Variants in SPOCK3 observed in about 807,000 individuals in gnomAD.
SPOCK3 encodes testican-3.
Under a neutral mutation model 56.6 loss-of-function variants are expected in SPOCK3, and 30 were observed. The ratio of observed to expected loss-of-function variants is 0.53; its 90% confidence interval spans 0.40 to 0.72. SPOCK3 has a LOEUF of 0.72. Ranked by LOEUF, SPOCK3 falls within the 30% of genes least tolerant of loss-of-function variation. The probability of loss-of-function intolerance (pLI) is 0.00; values close to 1 mark genes in which losing one functional copy is unlikely to be tolerated. For synonymous variants in SPOCK3, 196 were observed against 183.3 expected, an observed-to-expected ratio of 1.07 and a Z score of -0.56; for missense variants, 527 against 530.0, an observed-to-expected ratio of 0.99 and a Z score of 0.06.
intron 5 of SPOCK3, among the ~76,000 whole-genome samples, chr4:166,905,457 T>C: frequency 6.6e-6 from 1 of 152,038 alleles, no homozygotes; most frequent in Non-Finnish European, 1.5e-5. Flanking sequence ...ATATTATATG[T>C]TCTATTCTGT....
intron 2 of SPOCK3, among the ~76,000 whole-genome samples, chr4:167,222,999 A>C (rs1367379657): frequency 1.6e-5 from 2 of 126,122 alleles, no homozygotes; most frequent in Admixed American, 8.6e-5. Context: ...TTTATATATG[A>C]ATATATATTT....
chr4:167,152,545 T>A (rs950274395), intron 2 of SPOCK3, among the ~76,000 whole-genome samples: 1 of 152,314 alleles, frequency 6.6e-6, no homozygotes, highest in East Asian at 1.9e-4. Context: ...ATCTGTGTGA[T>A]AAAAGCAACA....
Position 166,844,691 on chromosome 4 carries a change from TAGATATACATATCTATAC to T in SPOCK3, c.589+44421_589+44438del, listed in dbSNP as rs556865160. 2.7e-3 allele frequency among the ~76,000 whole-genome samples: 410 copies of T among 152,348 alleles called. 3 individuals are homozygous for T. Among genetic ancestry groups the T allele is most frequent in the African/African-American group, 9.1e-3 (379 of 41,580 alleles). ...AGATAAAGATAGATAGATGTAGATA[TAGATATACATATCTATAC>T]AGATATACATCTCTATACATATCTA... On this transcript the variant is annotated intron_variant, in intron 6 of 10. Coordinates refer to ENST00000357545, the MANE Select transcript of SPOCK3 (RefSeq NM_001040159.2).
intron 8 of SPOCK3, among the ~76,000 whole-genome samples, chr4:166,743,863 A>G (rs1380475578): frequency 1.3e-5 from 2 of 152,224 alleles, no homozygotes; most frequent in Non-Finnish European, 2.9e-5. Context: ...CTGCTAGCAC[A>G]GCAGTCGGAG....
At chr4:167,163,011 C>T (rs1335868202) in intron 2 of SPOCK3, among the ~76,000 whole-genome samples, 2 of 151,536 alleles carry the variant, frequency 1.3e-5, no homozygotes, top group Non-Finnish European at 2.9e-5. Flanking sequence ...TATACGTCAT[C>T]CATGTTTTAT....
chr4:167,132,870 A>G (rs1256928348), intron 2 of SPOCK3, among the ~76,000 whole-genome samples: 2 of 152,110 alleles, frequency 1.3e-5, no homozygotes, highest in Non-Finnish European at 1.5e-5. Flanking sequence ...GATTTGGATA[A>G]TCAAGGATGG....
At chr4:166,962,950 T>A (rs1347184270) in intron 4 of SPOCK3, among the ~76,000 whole-genome samples, 1 of 152,058 alleles carries the variant, frequency 6.6e-6, no homozygotes, top group Non-Finnish European at 1.5e-5. Context: ...CAAAATTTGT[T>A]GTATGTTATT....
chr4:166,942,967 A>C (rs1283059232), intron 4 of SPOCK3, among the ~76,000 whole-genome samples: 4 of 152,290 alleles, frequency 2.6e-5, no homozygotes, highest in African/African-American at 9.6e-5. Flanking sequence ...AAATGTGTGC[A>C]TATATTCTGT....
At chr4:167,048,665 A>G (rs1277383732) in intron 3 of SPOCK3, among the ~76,000 whole-genome samples, 1 of 152,156 alleles carries the variant, frequency 6.6e-6, no homozygotes, top group Non-Finnish European at 1.5e-5. Context: ...AGATAATTTT[A>G]TGGTTTTCTA....
At chr4:166,840,835 G>C (rs1206410009) in intron 6 of SPOCK3, among the ~76,000 whole-genome samples, 2 of 137,922 alleles carry the variant, frequency 1.5e-5, no homozygotes, top group African/African-American at 2.7e-5. Flanking sequence ...CTGGAGTGCA[G>C]TGGCGCAATC....
At chr4:167,109,437 T>A (rs1309303750) in intron 2 of SPOCK3, among the ~76,000 whole-genome samples, 2 of 102,034 alleles carry the variant, frequency 2.0e-5, no homozygotes, top group African/African-American at 3.8e-5. Context: ...ATATGATAAA[T>A]ATATATTTAT....
At chr4:167,014,166 T>A (rs532967273) in intron 3 of SPOCK3, among the ~76,000 whole-genome samples, 1 of 152,256 alleles carries the variant, frequency 6.6e-6, no homozygotes, top group Admixed American at 6.5e-5. Context: ...TGAGTAACAA[T>A]CTGCCTTTCT....
intron 3 of SPOCK3, among the ~76,000 whole-genome samples, chr4:167,039,865 A>C (rs1413548319): frequency 1.3e-5 from 2 of 152,230 alleles, no homozygotes; most frequent in African/African-American, 4.8e-5. Flanking sequence ...AGACACCTTG[A>C]GCCTAAATGA....
chr4:167,234,142 C>A lies in SPOCK3; in HGVS notation c.32G>T (p.Cys11Phe). MLKVSAVLCVCAAAWCSQSLA... is the reference protein window; with the variant it reads MLKVSAVLCVFAAAWCSQSLA... ...AGACTGACTGCACCAAGCGGCTGCACACACACACAGTACGGCTGACACCTT... is the reference window on the plus strand; with the variant it reads ...AGACTGACTGCACCAAGCGGCTGCAAACACACACAGTACGGCTGACACCTT... Residue 11 changes from cysteine to phenylalanine, a missense_variant, in exon 2 of 11, where the codon TGT becomes TTT. Cys to Phe is a radical substitution (Grantham distance 205). Transcript: ENST00000357545. The A allele has an allele frequency of 6.2e-7, 1 of 1,613,798 alleles. No homozygotes were observed. Among genetic ancestry groups the A allele is most frequent in the South Asian group, 1.1e-5 (1 of 91,066 alleles).
chr4:166,797,966 A>T (rs1742142279), intron 6 of SPOCK3, among the ~76,000 whole-genome samples: 1 of 152,174 alleles, frequency 6.6e-6, no homozygotes, highest in Admixed American at 6.5e-5. Context: ...AGAACATCAT[A>T]TACAATGTTG....
intron 4 of SPOCK3, among the ~76,000 whole-genome samples, chr4:166,948,324 G>GT (rs1561042631): frequency 6.6e-6 from 1 of 152,218 alleles, no homozygotes; most frequent in African/African-American, 2.4e-5. Context: ...AAACATGGGA[G>GT]TGCAGACATT....
intron 2 of SPOCK3, among the ~76,000 whole-genome samples, chr4:167,117,684 G>A (rs540326536): frequency 6.6e-6 from 1 of 152,262 alleles, no homozygotes; most frequent in East Asian, 1.9e-4. Context: ...CCCAGAAGGT[G>A]AAAATCCAAG....
intron 4 of SPOCK3, among the ~76,000 whole-genome samples, chr4:166,977,260 G>A (rs1455748318): frequency 2.0e-5 from 3 of 151,980 alleles, no homozygotes; most frequent in African/African-American, 4.8e-5. Context: ...ACAAGTTAGA[G>A]ATTGATTAAC....
intron 3 of SPOCK3, among the ~76,000 whole-genome samples, chr4:167,025,775 T>C (rs1283188388): frequency 1.3e-5 from 2 of 152,098 alleles, no homozygotes; most frequent in Non-Finnish European, 2.9e-5. Context: ...AATATAGTCA[T>C]GCCTGGCTTA....
Sources: gnomAD v4.1 joint callset for allele counts (sites outside exome capture counted in the v4.1 genomes callset) on GRCh38, gnomAD v4.1.1 for gene constraint, MANE v1.5 for transcripts, NCBI Gene and HGNC (gene_info 2026-07-23, HGNC 2026-07-21) for gene names.